Variants in NRG3 observed in about 807,000 individuals in gnomAD.
The protein encoded by NRG3 is pro-neuregulin-3, membrane-bound isoform.
Under a neutral mutation model 66.9 loss-of-function variants are expected in NRG3, and 31 were observed. The observed-to-expected ratio is 0.46, with a 90% CI of 0.35 to 0.63. The LOEUF (loss-of-function observed/expected upper bound fraction) is 0.63, where lower values mean the gene tolerates loss of function less well. Among genes scored for constraint, NRG3 ranks in the 20% least tolerant of loss-of-function variants. The probability of loss-of-function intolerance (pLI) is 0.00; values close to 1 mark genes in which losing one functional copy is unlikely to be tolerated. For missense variants in NRG3, 910 were observed against 878.9 expected, an observed-to-expected ratio of 1.04 and a Z score of -0.45; for synonymous variants, 393 against 359.4, an observed-to-expected ratio of 1.09 and a Z score of -1.06.
chr10:81,969,808 C>G (rs1589636401), intron 1 of NRG3, among the ~76,000 whole-genome samples: 1 of 151,708 alleles, frequency 6.6e-6, no homozygotes, highest in Non-Finnish European at 1.5e-5. Flanking sequence ...TGTGCACATG[C>G]ACTTCTGTGT....
chr10:81,993,140 C>T (rs919816217), intron 1 of NRG3, among the ~76,000 whole-genome samples: 5 of 152,098 alleles, frequency 3.3e-5, no homozygotes, highest in Middle Eastern at 3.2e-3. Flanking sequence ...ATTTCATCTG[C>T]TTAATTTTTC....
chr10:81,894,070 G>A (rs1843281582), intron 1 of NRG3, among the ~76,000 whole-genome samples: 2 of 152,146 alleles, frequency 1.3e-5, no homozygotes, highest in African/African-American at 2.4e-5. Context: ...GCTGGGTGTC[G>A]TGGCTCAGGC....
At chr10:82,313,489 G>A (rs2081140318) in intron 1 of NRG3, among the ~76,000 whole-genome samples, 1 of 152,066 alleles carries the variant, frequency 6.6e-6, no homozygotes, top group Non-Finnish European at 1.5e-5. Flanking sequence ...TTAAGGCAGG[G>A]CTTGGCTTGT....
chr10:82,292,703 C>A (rs768539535), intron 1 of NRG3, among the ~76,000 whole-genome samples: 42 of 152,074 alleles, frequency 2.8e-4, no homozygotes, highest in Admixed American at 1.2e-3. Context: ...TTAAATAAAC[C>A]TAGATGGAAT....
At chr10:82,264,628 C>T (rs2078207348) in intron 1 of NRG3, among the ~76,000 whole-genome samples, 1 of 152,146 alleles carries the variant, frequency 6.6e-6, no homozygotes, top group South Asian at 2.1e-4. Context: ...GGCACATCAT[C>T]TTTAAAAGTC....
intron 1 of NRG3, among the ~76,000 whole-genome samples, chr10:81,951,030 G>T (rs1175909622): frequency 1.3e-5 from 2 of 152,084 alleles, no homozygotes; most frequent in African/African-American, 4.8e-5. Context: ...CGAATATCTG[G>T]ATTTGACCAT....
intron 4 of NRG3, among the ~76,000 whole-genome samples, chr10:82,909,061 C>T (rs1845060258): frequency 6.6e-6 from 1 of 152,236 alleles, no homozygotes; most frequent in South Asian, 2.1e-4. Flanking sequence ...ATATGCCTGG[C>T]TGACCATCAG....
At chr10:82,356,532 T>A (rs2083793531) in intron 1 of NRG3, among the ~76,000 whole-genome samples, 1 of 152,234 alleles carries the variant, frequency 6.6e-6, no homozygotes. Flanking sequence ...CTGTCTTGAA[T>A]AACAGATCTT....
intron 4 of NRG3, among the ~76,000 whole-genome samples, chr10:82,899,116 A>C (rs1843963712): frequency 6.6e-6 from 1 of 152,054 alleles, no homozygotes; most frequent in Non-Finnish European, 1.5e-5. Flanking sequence ...ATCTAAATTT[A>C]TTCATAGGGT....
chr10:82,456,133 G>A (rs1377567449), intron 2 of NRG3, among the ~76,000 whole-genome samples: 1 of 125,500 alleles, frequency 8.0e-6, no homozygotes, highest in Non-Finnish European at 1.6e-5. Context: ...ATATTTTTCT[G>A]TCACTTTTTT....
At chr10:82,378,537 T>C (rs2085407787) in intron 2 of NRG3, among the ~76,000 whole-genome samples, 1 of 151,966 alleles carries the variant, frequency 6.6e-6, no homozygotes, top group African/African-American at 2.4e-5. Context: ...CATTCCTCCC[T>C]CCCTCTCTTC....
At chr10:82,693,822 T>G (rs1156896603) in intron 2 of NRG3, among the ~76,000 whole-genome samples, 2 of 152,184 alleles carry the variant, frequency 1.3e-5, no homozygotes, top group Non-Finnish European at 2.9e-5. Context: ...ACCCAAAAAG[T>G]GAGCAGCAAC....
intron 2 of NRG3, among the ~76,000 whole-genome samples, chr10:82,529,839 T>C (rs557061787): frequency 6.6e-6 from 1 of 152,312 alleles, no homozygotes; most frequent in Non-Finnish European, 1.5e-5. Flanking sequence ...ATAATAGTTC[T>C]TTTAAATTAA....
At chr10:82,840,340 C>A (rs2062996017) in intron 3 of NRG3, among the ~76,000 whole-genome samples, 1 of 152,076 alleles carries the variant, frequency 6.6e-6, no homozygotes, top group South Asian at 2.1e-4. Context: ...CCACCTAGAC[C>A]ATCTTGATCC....
chr10:82,647,110 C>T (rs137982555), intron 2 of NRG3, among the ~76,000 whole-genome samples: 187 of 152,072 alleles, frequency 1.2e-3, no homozygotes, highest in African/African-American at 4.3e-3. Context: ...CCCATTAACT[C>T]TTCATTTAGC....
At chr10:82,327,995 C>T (rs2081958941) in intron 1 of NRG3, among the ~76,000 whole-genome samples, 1 of 152,160 alleles carries the variant, frequency 6.6e-6, no homozygotes, top group South Asian at 2.1e-4. Context: ...ATCTCATTAA[C>T]TTTCATTACC....
chr10:81,980,848 C>A (rs953749951), intron 1 of NRG3, among the ~76,000 whole-genome samples: 5 of 152,176 alleles, frequency 3.3e-5, no homozygotes, highest in Non-Finnish European at 7.3e-5. Context: ...ATGATCTTTT[C>A]TTTTGTGCAC....
At chr10:82,604,266 C>T (rs1255726105) in intron 2 of NRG3, among the ~76,000 whole-genome samples, 3 of 152,074 alleles carry the variant, frequency 2.0e-5, no homozygotes, top group Non-Finnish European at 4.4e-5. Context: ...TGGTTTTTTC[C>T]AGAATGTCAT....
At chr10:82,542,710 C>A (rs570949631) in intron 2 of NRG3, among the ~76,000 whole-genome samples, 12 of 152,230 alleles carry the variant, frequency 7.9e-5, no homozygotes, top group African/African-American at 2.9e-4. Context: ...GCAGTCTTGC[C>A]AAAGGCATAA....
Sources: allele counts gnomAD v4.1 joint callset (sites outside exome capture counted in the v4.1 genomes callset), GRCh38; gene constraint gnomAD v4.1.1; transcripts MANE v1.5; gene names NCBI Gene and HGNC (gene_info 2026-07-23, HGNC 2026-07-21).